SLC2A13: variants seen among roughly 807,000 people sequenced by gnomAD.
SLC2A13 encodes the protein proton myo-inositol cotransporter.
SLC2A13 carries 32 observed loss-of-function variants against 64.4 expected under a neutral mutation model. The ratio of observed to expected loss-of-function variants is 0.50; its 90% CI spans 0.37 to 0.67. The LOEUF is 0.67. SLC2A13 is among the 30% of genes least tolerant of loss of function. The pLI is 0.00. For missense variants in SLC2A13, 743 were observed against 829.2 expected (o/e 0.90, Z 1.28); for synonymous variants, 338 against 327.1 (o/e 1.03, Z -0.36).
intron 3 of SLC2A13, among the ~76,000 whole-genome samples, chr12:39,963,106 G>A (rs554644466): frequency 6.6e-6 from 1 of 152,086 alleles, no homozygotes; most frequent in Admixed American, 6.5e-5. Context: ...CTAACACGGT[G>A]AAAACCCGTC....
chr12:39,764,429 C>A, intron 9 of SLC2A13, 31 bp downstream of exon 9: 1 of 1,510,232 alleles, frequency 6.6e-7, no homozygotes, highest in Non-Finnish European at 8.9e-7. Context: ...AAAATAAAAA[C>A]AAAACTATGT....
Position 40,105,207 on chromosome 12 carries a change from C to A in SLC2A13, c.556+46G>T. On this transcript the variant is annotated intron_variant, in intron 1 of 9. Coordinates refer to ENST00000280871, the MANE Select transcript of SLC2A13 (RefSeq NM_052885.4). The surrounding 1 kb of genome is among the most constrained non-coding windows in gnomAD (Gnocchi z 4.2). The stretch of plus-strand genomic sequence containing the variant: ...GGCACGCAACACCCAGGGTCAAGGG[C>A]GGTGACAATGGGATCCCGGGCGCCC... 2.0e-6 allele frequency: 3 copies of A among 1,501,230 alleles called. No individual in the cohort carries two copies. The highest frequency in any genetic ancestry group is 2.7e-6 in the Non-Finnish European group (3 of 1,128,258). 93.0% of individuals were successfully genotyped at this position (1,501,230 alleles called of 1,614,324 possible).
At chr12:39,830,833 G>A (rs1942831778) in intron 6 of SLC2A13, among the ~76,000 whole-genome samples, 1 of 152,190 alleles carries the variant, frequency 6.6e-6, no homozygotes, top group South Asian at 2.1e-4. Flanking sequence ...ATCAATTATG[G>A]ATTATTCTGA....
chr12:40,070,581 G>GA (rs974782608), intron 1 of SLC2A13, among the ~76,000 whole-genome samples: 1 of 152,038 alleles, frequency 6.6e-6, no homozygotes, highest in Non-Finnish European at 1.5e-5. Context: ...AACTGAAAAG[G>GA]AAAAAATCAA....
chr12:39,951,325 A>C lies in SLC2A13; in HGVS notation c.966T>G (p.Thr322=), dbSNP rs765498223. The C allele has an allele frequency of 1.2e-6, 2 of 1,611,790 alleles. No individual in the cohort carries two copies. Among genetic ancestry groups the C allele is most frequent in the South Asian group, 2.2e-5 (2 of 90,728 alleles). ...CACAACCCACAATTAAAGCTCGGCG[A>C]GTTGGGGGATAACTCAGCATTCTGC... ...VICRMLSYPP[T]RRALIVGCGL... is the part of the protein sequence containing the mutation. The change falls in exon 4 of 10, where the codon ACT becomes ACG. Residue 322 remains threonine, a synonymous_variant. Transcript: ENST00000280871.
Position 39,759,935 on chromosome 12 carries a change from A to G in SLC2A13, c.*91T>C, listed in dbSNP as rs114874100. 3.0e-4 allele frequency: 274 copies of G among 910,612 alleles called. No individual in the cohort carries two copies. The African/African-American group carries it at 4.2e-3, about 14-fold the overall frequency. 56.4% of individuals were successfully genotyped at this position (910,612 alleles called of 1,614,324 possible). On this transcript the variant is annotated 3_prime_UTR_variant, in exon 10 of 10. Coordinates refer to ENST00000280871, the MANE Select transcript of SLC2A13 (RefSeq NM_052885.4). ...TCAATCAAAACTAGGCTGTGGAAAG[A>G]ACCAGATTAGAAGCAGGGCAGTGAA...
intron 3 of SLC2A13, among the ~76,000 whole-genome samples, chr12:39,973,316 A>T (rs530401584): frequency 6.6e-6 from 1 of 152,164 alleles, no homozygotes; most frequent in Non-Finnish European, 1.5e-5. Flanking sequence ...GCTTTCAGAA[A>T]CCACTTTCTT....
chr12:39,864,984 A>C, intron 5 of SLC2A13, 102 bp from the exon 6 acceptor site: 6 of 1,088,572 alleles, frequency 5.5e-6, no homozygotes, highest in Non-Finnish European at 7.7e-6. Flanking sequence ...AACAAACAAA[A>C]ACTCCTGAAA....
intron 4 of SLC2A13, among the ~76,000 whole-genome samples, chr12:39,902,361 A>C (rs1945148620): frequency 1.3e-5 from 2 of 152,040 alleles, no homozygotes; most frequent in South Asian, 2.1e-4. Flanking sequence ...TAAAAATTAA[A>C]AAAAAGAAGA....
At chr12:40,002,833 T>C (rs190946010) in intron 3 of SLC2A13, among the ~76,000 whole-genome samples, 1 of 126,878 alleles carries the variant, frequency 7.9e-6, no homozygotes, top group Non-Finnish European at 1.7e-5. Flanking sequence ...TGGCTGAGTA[T>C]AGTGTATATT....
chr12:39,930,824 A>G (rs1482277225), intron 4 of SLC2A13, among the ~76,000 whole-genome samples: 2 of 152,214 alleles, frequency 1.3e-5, no homozygotes, highest in African/African-American at 4.8e-5. Flanking sequence ...AAAAAACCTT[A>G]AAATCAGCAA....
chr12:39,918,937 C>T (rs563869161), intron 4 of SLC2A13, among the ~76,000 whole-genome samples: 3 of 136,664 alleles, frequency 2.2e-5, no homozygotes, highest in South Asian at 2.2e-4. Context: ...GTTATACACG[C>T]GCACACACAC....
intron 1 of SLC2A13, among the ~76,000 whole-genome samples, chr12:40,068,044 C>T (rs914139301): frequency 2.6e-5 from 4 of 152,012 alleles, no homozygotes; most frequent in African/African-American, 4.8e-5. Flanking sequence ...GCTTGGGCAA[C>T]GGGGAACCAC....
chr12:39,921,951 A>T (rs1342367497), intron 4 of SLC2A13, among the ~76,000 whole-genome samples: 1 of 151,426 alleles, frequency 6.6e-6, no homozygotes, highest in African/African-American at 2.5e-5. Context: ...ACCCAGAAGC[A>T]TCAAGGTATG....
chr12:39,941,006 T>C (rs937109085), intron 4 of SLC2A13, among the ~76,000 whole-genome samples: 5 of 152,100 alleles, frequency 3.3e-5, no homozygotes, highest in Non-Finnish European at 5.9e-5. Flanking sequence ...AATAATAGTC[T>C]CCAATCTCAT....
intron 4 of SLC2A13, among the ~76,000 whole-genome samples, chr12:39,909,508 G>A (rs1945373167): frequency 1.3e-5 from 2 of 152,120 alleles, no homozygotes; most frequent in Non-Finnish European, 2.9e-5. Context: ...TAGTATTTCA[G>A]AACACTCATT....
intron 5 of SLC2A13, among the ~76,000 whole-genome samples, chr12:39,865,144 T>C (rs1184991475): frequency 6.6e-6 from 1 of 152,154 alleles, no homozygotes; most frequent in African/African-American, 2.4e-5. Context: ...AACAGTAAAT[T>C]GGTAATGATT....
chr12:39,973,256 G>T (rs766296216), intron 3 of SLC2A13, among the ~76,000 whole-genome samples: 1 of 152,096 alleles, frequency 6.6e-6, no homozygotes, highest in African/African-American at 2.4e-5. Flanking sequence ...TAAACTAAGC[G>T]CAGCATTGGA....
intron 4 of SLC2A13, among the ~76,000 whole-genome samples, chr12:39,881,304 T>G (rs557103322): frequency 1.3e-5 from 2 of 152,006 alleles, no homozygotes; most frequent in African/African-American, 4.8e-5. Flanking sequence ...AATTCATAGA[T>G]GACAATATGA....
Sources: allele counts gnomAD v4.1 joint callset (sites outside exome capture counted in the v4.1 genomes callset), GRCh38; gene constraint gnomAD v4.1.1; non-coding constraint Gnocchi (gnomAD v3.1); transcripts MANE v1.5; gene names NCBI Gene and HGNC (gene_info 2026-07-23, HGNC 2026-07-21).